Variants in TMEM154 observed in about 807,000 individuals in gnomAD.
TMEM154 encodes the protein transmembrane protein 154.
In TMEM154, 27 loss-of-function variants were observed where a neutral mutation model predicts 24.5. That is an observed-to-expected ratio of 1.10 (90% confidence interval 0.81 to 1.52). TMEM154 has a LOEUF of 1.52. TMEM154 is among the 40% of genes most tolerant of loss of function. TMEM154 has a pLI of 0.00. For missense variants in TMEM154, 228 were observed against 213.4 expected (o/e 1.07, Z -0.43); for synonymous variants, 67 against 76.8 (o/e 0.87, Z 0.67).
intron 6 of TMEM154, among the ~76,000 whole-genome samples, chr4:152,629,693 T>C (rs545475969): frequency 2.8e-4 from 43 of 152,332 alleles, no homozygotes; most frequent in African/African-American, 1.0e-3. Flanking sequence ...CCCTCGCTCA[T>C]AGATGTGGAT....
intron 6 of TMEM154, among the ~76,000 whole-genome samples, chr4:152,629,661 A>G (rs1751994885): frequency 6.6e-6 from 1 of 152,172 alleles, no homozygotes; most frequent in Non-Finnish European, 1.5e-5. Flanking sequence ...TTGAATGATA[A>G]TGATCGACAG....
chr4:152,636,966 GA>G (rs1752162226), intron 6 of TMEM154, among the ~76,000 whole-genome samples: 1 of 152,212 alleles, frequency 6.6e-6, no homozygotes, highest in East Asian at 1.9e-4. Context: ...GACAGAGGAA[GA>G]ATCATGCACA....
Position 152,626,855 on chromosome 4 carries a change from A to G in TMEM154, c.*1691T>C, listed in dbSNP as rs1023899981. On this transcript the variant is annotated 3_prime_UTR_variant, in exon 7 of 7. Coordinates refer to ENST00000304385, the MANE Select transcript of TMEM154 (RefSeq NM_152680.3). ...GAAAAATAGACAAGTTATGATTCAG[A>G]AAACAATTGTATGCAATTTTGGCAT... The G allele has an allele frequency of 3.9e-5, 6 of 152,240 alleles. No individual in the cohort carries two copies. The highest frequency in any genetic ancestry group is 2.6e-4 in the Admixed American group (4 of 15,290). The allele number at this position is 152,240 out of a possible 1,614,324, so 9.4% of individuals were successfully genotyped here. A position where few individuals can be genotyped will look rare whatever the true frequency, so the allele number is the denominator to read the frequency against.
At position 152,640,941 on chromosome 4, in the gene TMEM154, T is replaced by A. The variant is rs1255786148; in HGVS notation, c.523A>T (p.Asn175Tyr). ...LPTLKEEKES[N>Y]HNPSDSES Reference sequence around the variant, plus strand: ...AATGAGAAGTACCTTGGGTTGTGATTTGATTCCTTCTCTTCCTTCAAGGTA... The same window carrying A: ...AATGAGAAGTACCTTGGGTTGTGATATGATTCCTTCTCTTCCTTCAAGGTA... The change falls in exon 6 of 7, where the codon AAT becomes TAT. Residue 175 changes from asparagine (N) to tyrosine (Y), a missense_variant. By Grantham distance (143) the Asn-to-Tyr change is moderately radical. Transcript: ENST00000304385. 1 of 1,610,878 alleles carries A rather than the reference T, an allele frequency of 6.2e-7. No homozygotes were observed. The highest frequency in any genetic ancestry group is 1.7e-5 in the Admixed American group (1 of 59,412).
chr4:152,641,803 CCTT>C (rs1752262221), intron 5 of TMEM154, among the ~76,000 whole-genome samples: 1 of 149,410 alleles, frequency 6.7e-6, no homozygotes, highest in South Asian at 2.1e-4. Context: ...TTTACAGAGT[CCTT>C]CTTTCCTCAA....
intron 6 of TMEM154, among the ~76,000 whole-genome samples, chr4:152,633,975 G>C (rs939166541): frequency 2.1e-5 from 3 of 141,634 alleles, no homozygotes; most frequent in African/African-American, 8.0e-5. Flanking sequence ...GCTGTAGTGA[G>C]CTGAGATCAC....
intron 3 of TMEM154, among the ~76,000 whole-genome samples, chr4:152,644,750 C>T (rs1752323853): frequency 6.6e-6 from 1 of 152,178 alleles, no homozygotes; most frequent in South Asian, 2.1e-4. Context: ...TAAGGAAAGG[C>T]AAGGGAGGGT....
intron 6 of TMEM154, among the ~76,000 whole-genome samples, chr4:152,633,316 T>G (rs1312244734): frequency 2.6e-5 from 4 of 152,200 alleles, no homozygotes; most frequent in Non-Finnish European, 5.9e-5. Flanking sequence ...CAGCTCTTAC[T>G]GGTGCTGGGA....
intron 3 of TMEM154, among the ~76,000 whole-genome samples, chr4:152,648,044 G>C (rs1728299683): frequency 1.3e-5 from 2 of 152,040 alleles, no homozygotes; most frequent in Admixed American, 1.3e-4. Flanking sequence ...AGAAAAAAGA[G>C]AAGGAAGGAA....
chr4:152,652,528 T>A lies in TMEM154; in HGVS notation c.364+10A>T. ...CCCCACCTGTAGGCAGGTTTTAGGA[T>A]AATACTCACATGTCTGTAAAGCACT... On this transcript the variant is annotated intron_variant, in intron 3 of 6. Transcript: ENST00000304385. 1 of 1,613,918 alleles carries A rather than the reference T, an allele frequency of 6.2e-7. No homozygotes were observed. The highest frequency in any genetic ancestry group is 8.5e-7 in the Non-Finnish European group (1 of 1,179,920).
At chr4:152,675,179 A>C (rs1487856592) in intron 1 of TMEM154, among the ~76,000 whole-genome samples, 1 of 138,356 alleles carries the variant, frequency 7.2e-6, no homozygotes, top group East Asian at 2.2e-4. Context: ...AAAAAAAAAG[A>C]ATGTGAGGCA....
chr4:152,635,185 A>G (rs973680772), intron 6 of TMEM154, among the ~76,000 whole-genome samples: 2 of 152,216 alleles, frequency 1.3e-5, no homozygotes, highest in African/African-American at 4.8e-5. Context: ...GTTGTCAATG[A>G]CTGTGCTGAG....
At chr4:152,642,220 G>C (rs921730669) in intron 5 of TMEM154, among the ~76,000 whole-genome samples, 1 of 151,936 alleles carries the variant, frequency 6.6e-6, no homozygotes, top group Non-Finnish European at 1.5e-5. Flanking sequence ...TGCCTGGCCT[G>C]GTAGTAATAG....
intron 1 of TMEM154, among the ~76,000 whole-genome samples, chr4:152,671,758 A>AAAG: frequency 6.7e-6 from 1 of 149,824 alleles, no homozygotes. Context: ...AAAAAAAAAA[A>AAAG]AAAAAAAAAA....
At chr4:152,637,267 C>T (rs1410550322) in intron 6 of TMEM154, among the ~76,000 whole-genome samples, 2 of 152,170 alleles carry the variant, frequency 1.3e-5, no homozygotes, top group Admixed American at 6.5e-5. Flanking sequence ...TAGCTACTGC[C>T]GGGTGCGGTG....
At chr4:152,668,225 A>G (rs1303783367) in intron 1 of TMEM154, among the ~76,000 whole-genome samples, 1 of 152,142 alleles carries the variant, frequency 6.6e-6, no homozygotes, top group Non-Finnish European at 1.5e-5. Context: ...CAGAACACAA[A>G]TATATTTTAA....
intron 6 of TMEM154, among the ~76,000 whole-genome samples, chr4:152,638,085 G>A (rs1381219414): frequency 6.6e-6 from 1 of 152,132 alleles, no homozygotes; most frequent in Non-Finnish European, 1.5e-5. Context: ...GCAACATAAG[G>A]AGACCCTGTC....
rs973017529 is a variant in TMEM154, at chr4:152,619,765, T to C, written c.*8781A>G. 6.6e-5 allele frequency: 10 copies of C among 152,214 alleles called. No homozygotes were observed. 9.4% of individuals were successfully genotyped at this position (152,214 alleles called of 1,614,324 possible). A position where few individuals can be genotyped will look rare whatever the true frequency, so the allele number is the denominator to read the frequency against. The stretch of plus-strand genomic sequence containing the variant: ...AGCCAGAACAAACTTGCCAGCCATG[T>C]GAGTCATCTGAAAGTGGGACCCCCA... On this transcript the variant is annotated 3_prime_UTR_variant, in exon 7 of 7. Transcript: ENST00000304385.
chr4:152,647,274 G>A (rs1728271911), intron 3 of TMEM154: 9 of 985,106 alleles, frequency 9.1e-6, no homozygotes, highest in Non-Finnish European at 1.1e-5. Context: ...GCATTTCTGT[G>A]GGAGCTTTCC....
Sources: allele counts gnomAD v4.1 joint callset (sites outside exome capture counted in the v4.1 genomes callset), GRCh38; gene constraint gnomAD v4.1.1; transcripts MANE v1.5; gene names NCBI Gene and HGNC (gene_info 2026-07-23, HGNC 2026-07-21).